The following IDE variants were observed in gnomAD, a reference collection of about 807,000 sequenced individuals.
IDE encodes the protein insulin degrading enzyme.
A neutral mutation model predicts 133.2 loss-of-function variants in IDE; 58 were observed. That is an observed-to-expected ratio of 0.44 (90% confidence interval 0.35 to 0.54). The LOEUF (loss-of-function observed/expected upper bound fraction) is 0.54, where lower values mean the gene tolerates loss of function less well. Ranked by LOEUF, IDE falls within the 20% of genes least tolerant of loss-of-function variation. The pLI is 0.00. For synonymous variants in IDE, 396 were observed against 421.3 expected (o/e 0.94, Z 0.73); for missense variants, 981 against 1,234.0 (o/e 0.79, Z 3.07).
chr10:92,551,849 A>G lies in IDE; in HGVS notation c.99-14299T>C, dbSNP rs546162138. On this transcript the variant is annotated intron_variant, in intron 1 of 24. Coordinates refer to ENST00000265986, the MANE Select transcript of IDE (RefSeq NM_004969.4). ...CGAACAATACACTTAAAAATGCTCA[A>G]AATGGGCCAGGTGCAGTGGCTCATG... is the stretch of plus-strand genomic sequence containing the variant. 2.0e-5 allele frequency among the ~76,000 whole-genome samples: 3 copies of G among 152,232 alleles called. No individual in the cohort carries two copies. In the East Asian group the frequency reaches 5.8e-4, roughly 29 times the overall value.
chr10:92,463,663 T>G, intron 21 of IDE, 68 bp downstream of exon 21: 2 of 1,398,172 alleles, frequency 1.4e-6, no homozygotes, highest in South Asian at 1.2e-5. Flanking sequence ...TGAATACCAT[T>G]TTGTAGAATG....
intron 15 of IDE, among the ~76,000 whole-genome samples, chr10:92,477,714 T>C (rs1245305935): frequency 1.3e-5 from 2 of 152,230 alleles, no homozygotes; most frequent in African/African-American, 4.8e-5. Context: ...AAAACCCATT[T>C]TGTCATAAAT....
intron 1 of IDE, 23 bp downstream of exon 1, chr10:92,573,899 C>T: frequency 1.4e-6 from 2 of 1,435,422 alleles, no homozygotes; most frequent in Non-Finnish European, 1.8e-6. Context: ...GGCCCGAGGG[C>T]CCGGGCGCTC....
At position 92,507,663 on chromosome 10, in the gene IDE, T is replaced by G; in HGVS notation, c.1157A>C (p.His386Pro). ...CATGTGCAAAATTATATCTTCAACA[T>G]GTACTGGAAAAAAGGGGCACACTTA... ...NVDLTEEGLL[H>P]VEDIILHMFQ... The change falls in exon 9 of 25, where the codon CAT becomes CCT. Residue 386 changes from histidine (H) to proline (P), a missense_variant. By Grantham distance (77) the His-to-Pro change is moderately conservative (BLOSUM62 -2). Transcript: ENST00000265986. The G allele has an allele frequency of 6.4e-7, 1 of 1,559,518 alleles. No individual in the cohort carries two copies. The highest frequency in any genetic ancestry group is 1.7e-4 in the Middle Eastern group (1 of 5,948).
intron 4 of IDE, among the ~76,000 whole-genome samples, chr10:92,522,726 A>C (rs796982203): frequency 3.3e-5 from 5 of 152,314 alleles, no homozygotes; most frequent in African/African-American, 1.2e-4. Flanking sequence ...AAGCTGAGGG[A>C]CCCAAGGCAA....
At chr10:92,465,652 G>C in intron 20 of IDE, 24 bp downstream of exon 20, 2 of 1,597,282 alleles carry the variant, frequency 1.3e-6, no homozygotes, top group Non-Finnish European at 1.7e-6. Flanking sequence ...ACAGTACCCT[G>C]CTATTTCCCC....
rs934713746 is a variant in IDE at position 92,540,477 on chromosome 10, G to C, written c.99-2927C>G. Reference sequence around the variant, plus strand: ...CCAGCAAGAAGGGCAGTGTTAAAACGGCAGTGTTAATAAGAACCTCCGTGT... The same window carrying C: ...CCAGCAAGAAGGGCAGTGTTAAAACCGCAGTGTTAATAAGAACCTCCGTGT... On this transcript the variant is annotated intron_variant, in intron 1 of 24. Transcript: ENST00000265986. 1.3e-5 allele frequency among the ~76,000 whole-genome samples: 2 copies of C among 152,124 alleles called. 1 individual carries two copies. Among genetic ancestry groups the C allele is most frequent in the South Asian group, 4.1e-4 (2 of 4,834 alleles).
intron 1 of IDE, among the ~76,000 whole-genome samples, chr10:92,561,702 C>T (rs1275246425): frequency 3.3e-5 from 5 of 152,044 alleles, no homozygotes; most frequent in Admixed American, 2.0e-4. Flanking sequence ...GCGGAGCTTG[C>T]AGTGAGCGGA....
Position 92,465,668 on chromosome 10 carries a change from C to T in IDE, c.2488+8G>A. On this transcript the variant is annotated splice_region_variant and intron_variant, in intron 20 of 24. Coordinates refer to ENST00000265986, the MANE Select transcript of IDE (RefSeq NM_004969.4). ...CAGTACCCTGCTATTTCCCCACTTT[C>T]CTCTCACCCAACTGCTCCTTGGTGC... 1 of 1,607,178 alleles carries T rather than the reference C, an allele frequency of 6.2e-7. No homozygotes were observed. Among genetic ancestry groups the T allele is most frequent in the Non-Finnish European group, 8.5e-7 (1 of 1,174,434 alleles).
intron 1 of IDE, among the ~76,000 whole-genome samples, chr10:92,565,887 C>G (rs1843514182): frequency 6.6e-6 from 1 of 152,086 alleles, no homozygotes; most frequent in Non-Finnish European, 1.5e-5. Context: ...ATATAATGGC[C>G]AACCCCTGAG....
At position 92,464,829 on chromosome 10, in the gene IDE, C is replaced by A. The variant is rs186549004; in HGVS notation, c.2489-826G>T. Among the ~76,000 whole-genome samples the A allele has an allele frequency of 2.7e-3, 405 of 152,272 alleles. 1 individual carries two copies. Among genetic ancestry groups the A allele is most frequent in the African/African-American group, 9.3e-3 (388 of 41,556 alleles). ...GGATTACAGGCATGCACCACCACGC[C>A]CAGCTAATCTTTGTATTTTTAGTAA... On this transcript the variant is annotated intron_variant, in intron 20 of 24. Transcript: ENST00000265986.
chr10:92,559,741 T>A lies in IDE; in HGVS notation c.98+14181A>T, dbSNP rs1184513208. 5.2e-4 allele frequency among the ~76,000 whole-genome samples: 65 copies of A among 124,122 alleles called. 2 individuals are homozygous for A. Among genetic ancestry groups the A allele is most frequent in the Middle Eastern group, 3.8e-3 (1 of 266 alleles). 81.4% of individuals were successfully genotyped at this position (124,122 alleles called of 152,430 possible). ...ACTAAAACCCATGAATGGTATATTT[T>A]TTTTTTTTTTTTTTTTGAGACAGGG... On this transcript the variant is annotated intron_variant, in intron 1 of 24. Coordinates refer to ENST00000265986, the MANE Select transcript of IDE (RefSeq NM_004969.4).
At chr10:92,455,257 C>CTTGA (rs201503938) in intron 24 of IDE, among the ~76,000 whole-genome samples, 11,065 of 152,156 alleles carry the variant, frequency 0.073, 566 homozygotes, top group Non-Finnish European at 0.11. Context: ...AGGTGGATCA[C>CTTGA]TTGAGGTCAG....
rs1388274704 is a variant in IDE at position 92,487,147 on chromosome 10, G to GT, written c.1656+48dup. 1.9e-6 allele frequency: 3 copies of GT among 1,564,558 alleles called. No individual in the cohort carries two copies. The Admixed American group carries it at 5.5e-5, about 29-fold the overall frequency. On this transcript the variant is annotated intron_variant, in intron 13 of 24. Coordinates refer to ENST00000265986, the MANE Select transcript of IDE (RefSeq NM_004969.4). ...AGAAATCATTTACCCAGTCCCCCAT[G>GT]TATTAGGTCTGTCCCCCAAATTTAA...
intron 17 of IDE, among the ~76,000 whole-genome samples, chr10:92,472,482 G>A (rs1475171009): frequency 1.3e-5 from 2 of 152,136 alleles, no homozygotes; most frequent in Non-Finnish European, 2.9e-5. Flanking sequence ...TCTAGTAAGT[G>A]ATTTTTATAA....
intron 4 of IDE, among the ~76,000 whole-genome samples, chr10:92,527,787 C>T (rs755303280): frequency 6.6e-6 from 1 of 152,112 alleles, no homozygotes; most frequent in East Asian, 1.9e-4. Context: ...GAGGCCAAGG[C>T]GGGTGGATCA....
intron 11 of IDE, among the ~76,000 whole-genome samples, chr10:92,503,964 C>T (rs183918843): frequency 1.6e-3 from 242 of 152,130 alleles, no homozygotes; most frequent in African/African-American, 5.5e-3. Context: ...CTGATCCGCC[C>T]GCCCTGGCCT....
At chr10:92,549,665 A>C (rs1842693005) in intron 1 of IDE, among the ~76,000 whole-genome samples, 1 of 151,658 alleles carries the variant, frequency 6.6e-6, no homozygotes, top group Admixed American at 6.6e-5. Flanking sequence ...ATACTCAGTC[A>C]GTATCTTGTG....
intron 1 of IDE, 92 bp from the exon 2 acceptor site, chr10:92,537,642 G>T: frequency 1.1e-6 from 1 of 909,448 alleles, no homozygotes; most frequent in Non-Finnish European, 1.7e-6. Context: ...TACATCATCA[G>T]ATTTTTCTAA....
Sources: allele counts gnomAD v4.1 joint callset (sites outside exome capture counted in the v4.1 genomes callset), GRCh38; gene constraint gnomAD v4.1.1; transcripts MANE v1.5; gene names NCBI Gene and HGNC (gene_info 2026-07-23, HGNC 2026-07-21).